MECOM: variants seen among roughly 807,000 people sequenced by gnomAD.
MECOM encodes the protein histone-lysine N-methyltransferase MECOM.
Under a neutral mutation model 116.3 loss-of-function variants are expected in MECOM, and 13 were observed. The observed-to-expected ratio is 0.11, with a 90% CI of 0.07 to 0.18. MECOM has a LOEUF of 0.18. MECOM is among the 10% of genes least tolerant of loss of function. The probability of loss-of-function intolerance (pLI) is 1.00; values close to 1 mark genes in which losing one functional copy is unlikely to be tolerated. For missense variants in MECOM, 1,299 were observed against 1,509.0 expected (o/e 0.86, Z 2.31); for synonymous variants, 528 against 535.2 (o/e 0.99, Z 0.19).
chr3:169,136,203 G>A (rs1355574084), intron 3 of MECOM, among the ~76,000 whole-genome samples: 1 of 151,488 alleles, frequency 6.6e-6, no homozygotes, highest in Non-Finnish European at 1.5e-5. Flanking sequence ...CTTCCAAACT[G>A]TACATTTTCA....
chr3:169,177,097 C>G (rs530473568), intron 2 of MECOM, among the ~76,000 whole-genome samples: 3 of 152,188 alleles, frequency 2.0e-5, no homozygotes, highest in African/African-American at 7.2e-5. Context: ...ATCATTTGAC[C>G]CAGCAATTCC....
At chr3:169,117,248 G>C (rs145017694) in intron 7 of MECOM, among the ~76,000 whole-genome samples, 1 of 152,044 alleles carries the variant, frequency 6.6e-6, no homozygotes, top group East Asian at 1.9e-4. Context: ...TGGGGAAAAA[G>C]CCTGTGACTG....
chr3:169,309,231 C>CA (rs776870042), intron 2 of MECOM, among the ~76,000 whole-genome samples: 3 of 151,918 alleles, frequency 2.0e-5, no homozygotes, highest in Non-Finnish European at 4.4e-5. Flanking sequence ...ATTCTTTTGA[C>CA]AAAAAAACCT....
chr3:169,255,699 C>T (rs772893065), intron 2 of MECOM, among the ~76,000 whole-genome samples: 1 of 152,132 alleles, frequency 6.6e-6, no homozygotes, highest in Non-Finnish European at 1.5e-5. Context: ...GTTATGACAA[C>T]CATCTTCACA....
At chr3:169,647,010 T>G (rs1774273726) in intron 1 of MECOM, among the ~76,000 whole-genome samples, 1 of 152,266 alleles carries the variant, frequency 6.6e-6, no homozygotes, top group African/African-American at 2.4e-5. Flanking sequence ...AAATTCCTCT[T>G]TACTAAGAGT....
intron 1 of MECOM, chr3:169,484,212 T>C (rs2108871724): frequency 1.7e-6 from 1 of 584,274 alleles, no homozygotes. Flanking sequence ...TTTGTAAATA[T>C]GTGAATGTTT....
At chr3:169,310,117 T>G (rs532089763) in intron 2 of MECOM, among the ~76,000 whole-genome samples, 1 of 152,338 alleles carries the variant, frequency 6.6e-6, no homozygotes, top group African/African-American at 2.4e-5. Flanking sequence ...ACAATTCCCT[T>G]GAGCCATTTT....
rs190318073 is a variant in MECOM at position 169,499,442 on chromosome 3, T to A, written c.38-117918A>T. Among the ~76,000 whole-genome samples, 24 of 148,982 alleles carry A rather than the reference T, an allele frequency of 1.6e-4. No homozygotes were observed. In the East Asian group the frequency reaches 4.5e-3, roughly 28 times the overall value. On this transcript the variant is annotated intron_variant, in intron 1 of 16. Coordinates refer to ENST00000651503, the MANE Select transcript of MECOM (RefSeq NM_004991.4). ...GAGCTGCTAAAAAACAATGGACAAG[T>A]ATTTTCAAAGTTCCAAGGCAAAATA...
intron 2 of MECOM, among the ~76,000 whole-genome samples, chr3:169,333,781 TG>T (rs1723122516): frequency 6.6e-6 from 1 of 152,074 alleles, no homozygotes; most frequent in Non-Finnish European, 1.5e-5. Context: ...ACATAACAAC[TG>T]TGCTTTCCAC....
At chr3:169,164,184 G>C (rs779660147) in intron 2 of MECOM, among the ~76,000 whole-genome samples, 20 of 152,124 alleles carry the variant, frequency 1.3e-4, no homozygotes, top group Non-Finnish European at 2.6e-4. Flanking sequence ...GACCCAGTGG[G>C]AGATGATTGA....
In MECOM at chr3:169,507,806, C is replaced by G. The variant is rs374672597; in HGVS notation, c.38-126282G>C. Among the ~76,000 whole-genome samples, 383 of 148,994 alleles carry G rather than the reference C, an allele frequency of 2.6e-3. 4 individuals are homozygous for G. The highest frequency in any genetic ancestry group is 8.1e-3 in the African/African-American group (327 of 40,218). ...CCTCCCGAGTAGCTGGGACCACAGG[C>G]ACCGCCACCACGCCCGGCTAATTTT... On this transcript the variant is annotated intron_variant, in intron 1 of 16. Transcript: ENST00000651503.
At chr3:169,265,049 A>T (rs1758095055) in intron 2 of MECOM, among the ~76,000 whole-genome samples, 1 of 152,176 alleles carries the variant, frequency 6.6e-6, no homozygotes. Context: ...AAAAAAAGTT[A>T]GATAAAGCTC....
chr3:169,530,781 A>C (rs1758522981), intron 1 of MECOM, among the ~76,000 whole-genome samples: 1 of 152,192 alleles, frequency 6.6e-6, no homozygotes, highest in South Asian at 2.1e-4. Flanking sequence ...TGCCAAGGTC[A>C]GTCTAAAGGT....
intron 1 of MECOM, among the ~76,000 whole-genome samples, chr3:169,653,070 T>A (rs1775109854): frequency 6.6e-6 from 1 of 152,208 alleles, no homozygotes; most frequent in African/African-American, 2.4e-5. Context: ...GGGACATTAT[T>A]GGTGAAAATT....
At chr3:169,204,959 T>C (rs1191884572) in intron 2 of MECOM, among the ~76,000 whole-genome samples, 2 of 152,156 alleles carry the variant, frequency 1.3e-5, no homozygotes, top group Non-Finnish European at 2.9e-5. Context: ...GACAACAGTG[T>C]GGGACTCTGC....
intron 1 of MECOM, among the ~76,000 whole-genome samples, chr3:169,507,285 G>C (rs533849067): frequency 2.8e-4 from 43 of 152,174 alleles, no homozygotes; most frequent in Non-Finnish European, 5.1e-4. Context: ...AACGCATGTA[G>C]GTAAATGGGT....
intron 2 of MECOM, among the ~76,000 whole-genome samples, chr3:169,302,208 A>G (rs569795032): frequency 2.6e-5 from 4 of 152,352 alleles, no homozygotes; most frequent in Non-Finnish European, 5.9e-5. Flanking sequence ...AGGAAGACAC[A>G]TGTCCATGTA....
intron 1 of MECOM, among the ~76,000 whole-genome samples, chr3:169,435,688 G>A (rs1184478387): frequency 2.0e-5 from 3 of 151,898 alleles, no homozygotes; most frequent in African/African-American, 2.4e-5. Flanking sequence ...ACAATTAGAG[G>A]GCCAAAACTA....
rs1745177371 is a variant in MECOM, at chr3:169,449,400, T to C, written c.38-67876A>G. Reference sequence around the variant, plus strand: ...ATTATTCATTTATTAGGGCAATCACTGAGGTCTGGGTACTTAATATTGTTT... The same window carrying C: ...ATTATTCATTTATTAGGGCAATCACCGAGGTCTGGGTACTTAATATTGTTT... On this transcript the variant is annotated intron_variant, in intron 1 of 16. Transcript: ENST00000651503. 2.0e-5 allele frequency among the ~76,000 whole-genome samples: 3 copies of C among 152,176 alleles called. No individual in the cohort carries two copies. In the South Asian group the frequency reaches 6.2e-4, roughly 32 times the overall value.
Sources: gnomAD v4.1 joint callset for allele counts (sites outside exome capture counted in the v4.1 genomes callset) on GRCh38, gnomAD v4.1.1 for gene constraint, MANE v1.5 for transcripts, NCBI Gene and HGNC (gene_info 2026-07-23, HGNC 2026-07-21) for gene names.